Variants in MED15 observed in about 807,000 individuals in gnomAD.
MED15 encodes the protein mediator of RNA polymerase II transcription subunit 15.
A neutral mutation model predicts 118.7 loss-of-function variants in MED15; 41 were observed. The ratio of observed to expected loss-of-function variants is 0.35; its 90% CI spans 0.27 to 0.45. The LOEUF is 0.45. Among genes scored for constraint, MED15 ranks in the 20% least tolerant of loss-of-function variants. MED15 has a pLI of 1.00. For synonymous variants in MED15, 436 were observed against 413.9 expected, an observed-to-expected ratio of 1.05 and a Z score of -0.65; for missense variants, 740 against 1,025.5, an observed-to-expected ratio of 0.72 and a Z score of 3.80.
intron 5 of MED15, among the ~76,000 whole-genome samples, chr22:20,563,569 T>G (rs1328015412): frequency 6.6e-6 from 1 of 152,210 alleles, no homozygotes; most frequent in East Asian, 1.9e-4. Flanking sequence ...GTGTGGGGAC[T>G]GTGTAGTGTA....
At chr22:20,566,322 G>C (rs1305983686) in intron 6 of MED15, 145 bp from the exon 7 acceptor site, 2 of 1,432,574 alleles carry the variant, frequency 1.4e-6, no homozygotes, top group Non-Finnish European at 1.9e-6. Context: ...TTACAGGCGT[G>C]AGCCACTGCA....
intron 6 of MED15, among the ~76,000 whole-genome samples, chr22:20,565,069 G>C (rs2056387733): frequency 1.3e-5 from 2 of 152,240 alleles, no homozygotes; most frequent in African/African-American, 4.8e-5. Flanking sequence ...AGGTTGCAGT[G>C]AGCCGAGATC....
Position 20,552,960 on chromosome 22 carries a change from C to T in MED15, c.209-185C>T, listed in dbSNP as rs1030243663. 12 of 585,898 alleles carry T rather than the reference C, an allele frequency of 2.0e-5. No individual in the cohort carries two copies. The African/African-American group carries it at 2.3e-4, about 11-fold the overall frequency. The allele number at this position is 585,898 out of a possible 1,614,324, so 36.3% of individuals were successfully genotyped here. ...CCTGGAGCTACTCTGCACCCTCTGC[C>T]CCCAGGTCTCTTGTGGGGTCAGCGC... On this transcript the variant is annotated intron_variant, in intron 3 of 17. Transcript: ENST00000263205.
At chr22:20,546,631 G>A (rs1336288903) in intron 2 of MED15, among the ~76,000 whole-genome samples, 1 of 151,102 alleles carries the variant, frequency 6.6e-6, no homozygotes, top group Non-Finnish European at 1.5e-5. Context: ...AGTCTAAGGA[G>A]TCCCCCCAAG....
At chr22:20,568,700 A>G in intron 8 of MED15, 69 bp downstream of exon 8, 1 of 1,564,742 alleles carries the variant, frequency 6.4e-7, no homozygotes, top group Non-Finnish European at 8.6e-7. Context: ...ATGTAGTGCT[A>G]CAGTGAGGGT....
chr22:20,532,683 G>C (rs536594748), intron 1 of MED15, among the ~76,000 whole-genome samples: 3 of 152,310 alleles, frequency 2.0e-5, no homozygotes, highest in South Asian at 4.1e-4. Context: ...TCCTCAGCTA[G>C]AGCGAGCACC....
At chr22:20,566,336 AG>A in intron 6 of MED15, 130 bp from the exon 7 acceptor site, 1 of 1,504,278 alleles carries the variant, frequency 6.6e-7, no homozygotes, top group Non-Finnish European at 8.9e-7. Flanking sequence ...CACTGCACCC[AG>A]CCAGGAAGGC....
rs190404381 is a variant in MED15 at position 20,577,015 on chromosome 22, T to C, written c.1272+1783T>C. 1.8e-3 allele frequency among the ~76,000 whole-genome samples: 268 copies of C among 152,330 alleles called. 1 individual carries two copies. Among genetic ancestry groups the C allele is most frequent in the African/African-American group, 6.2e-3 (258 of 41,562 alleles). On this transcript the variant is annotated intron_variant, in intron 9 of 17. Coordinates refer to ENST00000263205, the MANE Select transcript of MED15 (RefSeq NM_001003891.3). Reference sequence around the variant, plus strand: ...AGTCCCCAATGTTTTCAGTGTGCGATATGTGCCAGGCCTTGAGCTAAGCTC... The same window carrying C: ...AGTCCCCAATGTTTTCAGTGTGCGACATGTGCCAGGCCTTGAGCTAAGCTC...
At chr22:20,513,372 C>T (rs1315102108) in intron 1 of MED15, among the ~76,000 whole-genome samples, 4 of 151,806 alleles carry the variant, frequency 2.6e-5, no homozygotes, top group African/African-American at 4.8e-5. Flanking sequence ...CTCTGCCTCC[C>T]GGGTTCAAGC....
At chr22:20,584,543 G>A in intron 14 of MED15, 118 bp downstream of exon 14, 3 of 1,227,150 alleles carry the variant, frequency 2.4e-6, no homozygotes, top group Non-Finnish European at 3.6e-6. Flanking sequence ...CCTGACCTTG[G>A]ACCCTGCCCA....
Position 20,552,621 on chromosome 22 carries a change from A to G in MED15, c.209-524A>G, listed in dbSNP as rs756507750. Reference sequence around the variant, plus strand: ...AGCCGAGCAGGAGGCTCAGGGCCCCATGACTGCTACAGAAGTTCTCCGCTG... The same window carrying G: ...AGCCGAGCAGGAGGCTCAGGGCCCCGTGACTGCTACAGAAGTTCTCCGCTG... On this transcript the variant is annotated intron_variant, in intron 3 of 17. Transcript: ENST00000263205. 1.3e-5 allele frequency: 5 copies of G among 394,448 alleles called. No individual in the cohort carries two copies. The East Asian group carries it at 3.4e-4, about 27-fold the overall frequency. The allele number at this position is 394,448 out of a possible 1,614,324, so 24.4% of individuals were successfully genotyped here.
At chr22:20,509,757 T>C (rs75633876) in intron 1 of MED15, among the ~76,000 whole-genome samples, 5,512 of 152,238 alleles carry the variant, frequency 0.036, 306 homozygotes, top group African/African-American at 0.13. Flanking sequence ...AGTGTTTTAC[T>C]GATAAAATAT....
At position 20,584,878 on chromosome 22, in the gene MED15, G is replaced by A; in HGVS notation, c.1827G>A (p.Val609=). 1 of 1,613,020 alleles carries A rather than the reference G, an allele frequency of 6.2e-7. No individual in the cohort carries two copies. The highest frequency in any genetic ancestry group is 8.5e-7 in the Non-Finnish European group (1 of 1,179,980). Residue 609 remains valine (V), a synonymous_variant, in exon 15 of 18, where the codon GTG becomes GTA. Transcript: ENST00000263205. ...MAVPTPPPPP[V]PPTKQQYLCQ... ...AGCCCACTCCCCCACCGCCCCCGGT[G>A]CCACCGACCAAACAGCAGTACCTAT...
intron 5 of MED15, among the ~76,000 whole-genome samples, chr22:20,559,114 C>T (rs1040212693): frequency 1.3e-5 from 2 of 152,008 alleles, no homozygotes; most frequent in Non-Finnish European, 2.9e-5. Context: ...TATCATTGCA[C>T]CACTGCACTC....
chr22:20,586,681 C>G lies in MED15; in HGVS notation c.2344C>G (p.Gln782Glu). The G allele has an allele frequency of 6.2e-7, 1 of 1,612,730 alleles. No homozygotes were observed. The highest frequency in any genetic ancestry group is 8.5e-7 in the Non-Finnish European group (1 of 1,179,932). The part of the protein sequence containing the change: ...LLNTWAQSVH[Q>E]ACLSAA ...CAACACCTGGGCCCAGAGCGTCCAC[C>G]AGGCCTGCCTCTCAGCCGCCTAGCC... The change falls in exon 18 of 18, where the codon CAG becomes GAG. Residue 782 changes from glutamine (Q) to glutamate (E), a missense_variant. By Grantham distance (29) the Gln-to-Glu change is conservative. This residue lies in a region of MED15 where 179 missense variants were observed against 259.0 expected (regional missense o/e 0.69). Coordinates refer to ENST00000263205, the MANE Select transcript of MED15 (RefSeq NM_001003891.3).
chr22:20,559,903 A>G (rs1353735089), intron 5 of MED15, among the ~76,000 whole-genome samples: 1 of 152,132 alleles, frequency 6.6e-6, no homozygotes, highest in African/African-American at 2.4e-5. Context: ...TACAAGGTAA[A>G]ATGGGAAAAG....
In MED15 at chr22:20,537,093, G is replaced by A. The variant is rs75227685; in HGVS notation, c.69-24G>A. On this transcript the variant is annotated intron_variant, in intron 1 of 17. Transcript: ENST00000263205. ...GGTGGAGTCACTGGTGTGTGCAAAC[G>A]TCTCTTCTCCTTTTGTGTTTCAGCG... 4.2e-4 allele frequency: 679 copies of A among 1,609,318 alleles called. 2 individuals carry two copies. In the African/African-American group the frequency reaches 7.6e-3, roughly 18 times the overall value.
chr22:20,583,042 T>C, intron 11 of MED15, 71 bp from the exon 12 acceptor site: 4 of 1,567,736 alleles, frequency 2.6e-6, no homozygotes, highest in Non-Finnish European at 3.5e-6. Context: ...GTGCGAGCTC[T>C]GGGGCCCTCA....
chr22:20,566,291 C>T (rs576586054), intron 6 of MED15, among the ~76,000 whole-genome samples, 176 bp from the exon 7 acceptor site: 6 of 152,242 alleles, frequency 3.9e-5, no homozygotes, highest in Admixed American at 3.3e-4. Context: ...CTGCCCGCCT[C>T]GGCCTCCCAA....
Sources: allele counts gnomAD v4.1 joint callset (sites outside exome capture counted in the v4.1 genomes callset), GRCh38; gene constraint gnomAD v4.1.1; regional missense constraint gnomAD v4.1.1; transcripts MANE v1.5; gene names NCBI Gene and HGNC (gene_info 2026-07-23, HGNC 2026-07-21).